SENP1: variants seen among roughly 807,000 people sequenced by gnomAD.
The protein encoded by SENP1 is SUMO specific peptidase 1.
A neutral mutation model predicts 93.0 loss-of-function variants in SENP1; 21 were observed. That is an observed-to-expected ratio of 0.23 (90% confidence interval 0.16 to 0.33). The LOEUF is 0.33. Ranked by LOEUF, SENP1 falls within the 10% of genes least tolerant of loss-of-function variation. SENP1 has a pLI of 1.00. For synonymous variants in SENP1, 256 were observed against 259.6 expected (o/e 0.99, Z 0.13); for missense variants, 591 against 758.7 (o/e 0.78, Z 2.60).
At chr12:48,060,620 CTCACCCTG>C (rs1269517171) in intron 13 of SENP1, among the ~76,000 whole-genome samples, 2 of 152,278 alleles carry the variant, frequency 1.3e-5, no homozygotes, top group South Asian at 4.1e-4. Context: ...TGTTCTGTCA[CTCACCCTG>C]TAGTAGAGTG....
chr12:48,095,355 GT>G (rs917672744), intron 4 of SENP1, among the ~76,000 whole-genome samples: 16 of 152,034 alleles, frequency 1.1e-4, no homozygotes, highest in African/African-American at 3.9e-4. Context: ...GGCCAACATG[GT>G]GAAACCCCGT....
At chr12:48,091,595 A>G (rs1945230059) in intron 4 of SENP1, among the ~76,000 whole-genome samples, 1 of 152,228 alleles carries the variant, frequency 6.6e-6, no homozygotes, top group East Asian at 1.9e-4. Context: ...CTAATGTAAC[A>G]TATTTTCCAA....
chr12:48,096,171 G>A (rs1187386671), intron 4 of SENP1, among the ~76,000 whole-genome samples, 172 bp downstream of exon 4: 1 of 152,194 alleles, frequency 6.6e-6, no homozygotes, highest in Non-Finnish European at 1.5e-5. Context: ...AATCAGTAAA[G>A]TATCATAGCA....
At chr12:48,097,898 C>T in intron 3 of SENP1, 96 bp downstream of exon 3, 2 of 1,101,296 alleles carry the variant, frequency 1.8e-6, no homozygotes, top group Non-Finnish European at 1.3e-6. Flanking sequence ...TATAGCTATG[C>T]TTGTATTTTT....
At chr12:48,062,415 G>C (rs1473771179) in intron 13 of SENP1, among the ~76,000 whole-genome samples, 2 of 152,144 alleles carry the variant, frequency 1.3e-5, no homozygotes, top group Non-Finnish European at 2.9e-5. Flanking sequence ...TTCTTCTAAA[G>C]AAAGACAGTA....
At chr12:48,105,898 A>G in intron 1 of SENP1, 130 bp downstream of exon 1, 1 of 620,924 alleles carries the variant, frequency 1.6e-6, no homozygotes, top group East Asian at 2.8e-5. Flanking sequence ...GCAGAGGAAA[A>G]GGCGCCGGCC....
At chr12:48,105,182 AC>A (rs966616934) in intron 1 of SENP1, 3 of 311,060 alleles carry the variant, frequency 9.6e-6, no homozygotes, top group Non-Finnish European at 2.0e-5. Context: ...AAGAATCACC[AC>A]CACTCCAAAT....
In SENP1 at chr12:48,043,488, C is replaced by T. The variant is rs1592265320; in HGVS notation, c.*1834G>A. On this transcript the variant is annotated 3_prime_UTR_variant, in exon 18 of 18. Transcript: ENST00000549518. ...CATACAGTAAATACCAAGAACCAGA[C>T]AATATTCCAGGAGTCCTGCAATGAG... 6.6e-6 allele frequency: 1 copy of T among 152,568 alleles called. No homozygotes were observed. The allele number at this position is 152,568 out of a possible 1,614,324, so 9.5% of individuals were successfully genotyped here. A position where few individuals can be genotyped will look rare whatever the true frequency, so the allele number is the denominator to read the frequency against.
At chr12:48,057,764 A>AT (rs528277652) in intron 13 of SENP1, among the ~76,000 whole-genome samples, 2 of 148,552 alleles carry the variant, frequency 1.3e-5, no homozygotes, top group African/African-American at 5.0e-5. Context: ...TGACGGGCTA[A>AT]TTTTTTTTAT....
chr12:48,062,295 G>T (rs1020243566), intron 13 of SENP1, among the ~76,000 whole-genome samples: 6 of 152,162 alleles, frequency 3.9e-5, no homozygotes, highest in Non-Finnish European at 7.4e-5. Context: ...CTTATCAGTG[G>T]ATACTTATAA....
chr12:48,057,469 A>G (rs1364319631), intron 13 of SENP1, among the ~76,000 whole-genome samples: 1 of 148,750 alleles, frequency 6.7e-6, no homozygotes, highest in Non-Finnish European at 1.5e-5. Context: ...ACCTCAGGTG[A>G]TCCACCTGCC....
intron 10 of SENP1, 135 bp downstream of exon 10, chr12:48,066,792 G>A (rs546137465): frequency 1.4e-5 from 10 of 701,892 alleles, no homozygotes; most frequent in African/African-American, 1.1e-4. Context: ...AATTACAGGC[G>A]TGAGCCACCG....
intron 1 of SENP1, among the ~76,000 whole-genome samples, chr12:48,104,643 C>T (rs1946326485): frequency 6.6e-6 from 1 of 152,050 alleles, no homozygotes; most frequent in African/African-American, 2.4e-5. Flanking sequence ...TAGGGAAAGC[C>T]AGATCCATAA....
chr12:48,063,879 T>G (rs1400469570), intron 12 of SENP1, 38 bp from the exon 13 acceptor site: 1 of 1,580,530 alleles, frequency 6.3e-7, no homozygotes, highest in Non-Finnish European at 8.6e-7. Flanking sequence ...CAAACACGCG[T>G]GGCTTCAGAA....
intron 2 of SENP1, among the ~76,000 whole-genome samples, chr12:48,098,727 T>C (rs1249648769): frequency 4.0e-5 from 6 of 151,644 alleles, no homozygotes; most frequent in African/African-American, 1.5e-4. Flanking sequence ...AGGAGGACTG[T>C]TTTGAGCCCA....
chr12:48,075,740 T>A (rs1944023522), intron 6 of SENP1, among the ~76,000 whole-genome samples: 1 of 152,112 alleles, frequency 6.6e-6, no homozygotes, highest in Non-Finnish European at 1.5e-5. Flanking sequence ...GGAGATTATA[T>A]TGCAGTGAAA....
intron 1 of SENP1, chr12:48,105,496 A>G (rs1318207177): frequency 1.9e-6 from 1 of 519,144 alleles, no homozygotes; most frequent in South Asian, 1.4e-5. Context: ...TGATGGTGGC[A>G]CTAGCGATAT....
intron 9 of SENP1, among the ~76,000 whole-genome samples, chr12:48,070,872 G>A (rs1414637686): frequency 2.0e-5 from 3 of 152,044 alleles, no homozygotes; most frequent in East Asian, 1.9e-4. Flanking sequence ...TAGGAGGATC[G>A]CTTGAGGCTA....
chr12:48,057,680 A>G (rs1942650545), intron 13 of SENP1, among the ~76,000 whole-genome samples: 2 of 150,138 alleles, frequency 1.3e-5, no homozygotes, highest in South Asian at 4.2e-4. Context: ...GCGCGATCTC[A>G]GCTCACTGCA....
Sources: gnomAD v4.1 joint callset for allele counts (sites outside exome capture counted in the v4.1 genomes callset) on GRCh38, gnomAD v4.1.1 for gene constraint, MANE v1.5 for transcripts, NCBI Gene and HGNC (gene_info 2026-07-23, HGNC 2026-07-21) for gene names.